The following AFAP1L2 variants were observed in gnomAD, a reference collection of about 807,000 sequenced individuals.
AFAP1L2 encodes the protein actin filament associated protein 1 like 2, also known as actin filament-associated protein 1-like 2.
A neutral mutation model predicts 99.3 loss-of-function variants in AFAP1L2; 46 were observed. The observed-to-expected ratio is 0.46, with a 90% CI of 0.37 to 0.59. AFAP1L2 has a LOEUF of 0.59. AFAP1L2 is among the 20% of genes least tolerant of loss of function. AFAP1L2 has a pLI of 0.00. For missense variants in AFAP1L2, 959 were observed against 1,034.9 expected (o/e 0.93, Z 1.01); for synonymous variants, 397 against 419.1 (o/e 0.95, Z 0.64).
intron 2 of AFAP1L2, among the ~76,000 whole-genome samples, 195 bp downstream of exon 2, chr10:114,340,408 C>T (rs922398013): frequency 5.3e-5 from 8 of 152,054 alleles, no homozygotes; most frequent in South Asian, 4.1e-4. Context: ...GCCATCAGCC[C>T]GCCAGGGAGA....
intron 1 of AFAP1L2, among the ~76,000 whole-genome samples, chr10:114,374,725 A>G (rs1457070941): frequency 1.3e-5 from 2 of 151,756 alleles, no homozygotes; most frequent in Non-Finnish European, 2.9e-5. Context: ...AGAGCTTCCA[A>G]CTAAGAGCTG....
At chr10:114,304,262 TC>T (rs1242294357) in intron 11 of AFAP1L2, among the ~76,000 whole-genome samples, 1 of 152,194 alleles carries the variant, frequency 6.6e-6, no homozygotes, top group East Asian at 1.9e-4. Context: ...TTATGTCACT[TC>T]TTATTTTTGT....
At chr10:114,297,907 T>G (rs1425709682) in intron 16 of AFAP1L2, among the ~76,000 whole-genome samples, 12 of 152,146 alleles carry the variant, frequency 7.9e-5, no homozygotes, top group Admixed American at 7.9e-4. Flanking sequence ...GCCTAGGGCC[T>G]GTATCCTAGA....
chr10:114,361,752 T>A (rs2052455930), intron 1 of AFAP1L2, among the ~76,000 whole-genome samples: 1 of 152,164 alleles, frequency 6.6e-6, no homozygotes, highest in African/African-American at 2.4e-5. Flanking sequence ...ATGGAGCACC[T>A]AACATGTGTT....
intron 16 of AFAP1L2, among the ~76,000 whole-genome samples, chr10:114,298,544 T>C (rs1305940099): frequency 2.6e-5 from 4 of 151,992 alleles, no homozygotes; most frequent in Non-Finnish European, 4.4e-5. Flanking sequence ...TTGGAAAGGT[T>C]CTAGAAGAGG....
chr10:114,307,815 G>C lies in AFAP1L2; in HGVS notation c.1062C>G (p.Leu354=), dbSNP rs747164722. ...STSLEPVERS[L]ETSSYLNVLV... ...AGCTACAATTCTTACTGGATGTCTC[G>C]AGGGACCTCTCCACAGGCTCCAGTG... The change falls in exon 10 of 19, where the codon CTC becomes CTG. Residue 354 remains leucine, a synonymous_variant. Coordinates refer to ENST00000304129, the MANE Select transcript of AFAP1L2 (RefSeq NM_001001936.3). 5.0e-6 allele frequency: 8 copies of C among 1,613,834 alleles called. No homozygotes were observed. The highest frequency in any genetic ancestry group is 2.2e-5 in the East Asian group (1 of 44,850).
In AFAP1L2 at chr10:114,327,568, G is replaced by A. The variant is rs181384707; in HGVS notation, c.315+4235C>T. ...GACCAGACCAGAGGTCCAGAGGGCC[G>A]CAAATCTTTTCAGGAAAGGGCCAAA... On this transcript the variant is annotated intron_variant, in intron 4 of 18. Transcript: ENST00000304129. 1.3e-4 allele frequency among the ~76,000 whole-genome samples: 20 copies of A among 152,208 alleles called. No homozygotes were observed. In the East Asian group the frequency reaches 2.1e-3, roughly 16 times the overall value.
chr10:114,332,908 C>T (rs1439807943), intron 3 of AFAP1L2, among the ~76,000 whole-genome samples: 2 of 152,228 alleles, frequency 1.3e-5, no homozygotes, highest in East Asian at 1.9e-4. Context: ...ACCGTGGGAT[C>T]AGCACCACAC....
chr10:114,324,725 CAGGCTGTG>C (rs1262969618), intron 4 of AFAP1L2, among the ~76,000 whole-genome samples: 2 of 152,198 alleles, frequency 1.3e-5, no homozygotes, highest in East Asian at 3.9e-4. Flanking sequence ...AAAGCACAGG[CAGGCTGTG>C]AGGTGGGGGA....
intron 7 of AFAP1L2, among the ~76,000 whole-genome samples, chr10:114,313,000 A>G (rs541862524): frequency 6.6e-6 from 1 of 152,206 alleles, no homozygotes; most frequent in African/African-American, 2.4e-5. Context: ...ACAGCGGTCC[A>G]GATCTGTTTC....
At chr10:114,404,331 G>T in intron 1 of AFAP1L2, 109 bp downstream of exon 1, 4 of 1,275,328 alleles carry the variant, frequency 3.1e-6, no homozygotes, top group East Asian at 2.5e-5. Context: ...GGTGGGGGCA[G>T]TGGGCTCTGC....
At chr10:114,341,753 T>G (rs2048862158) in intron 1 of AFAP1L2, among the ~76,000 whole-genome samples, 1 of 152,082 alleles carries the variant, frequency 6.6e-6, no homozygotes, top group African/African-American at 2.4e-5. Context: ...ACAGCACCCC[T>G]CTTTCCTTCT....
At chr10:114,340,983 G>A in intron 1 of AFAP1L2, 1 of 554,088 alleles carries the variant, frequency 1.8e-6, no homozygotes, top group African/African-American at 1.9e-5. Context: ...AGCCCTACCA[G>A]GTGCTGGAAG....
At chr10:114,394,628 G>C (rs2057497725) in intron 1 of AFAP1L2, among the ~76,000 whole-genome samples, 1 of 152,030 alleles carries the variant, frequency 6.6e-6, no homozygotes, top group Non-Finnish European at 1.5e-5. Flanking sequence ...GGGAAGAAGA[G>C]AGGGAGGGAG....
At chr10:114,351,455 G>A (rs28402106) in intron 1 of AFAP1L2, among the ~76,000 whole-genome samples, 1 of 152,108 alleles carries the variant, frequency 6.6e-6, no homozygotes, top group Non-Finnish European at 1.5e-5. Flanking sequence ...TAATGAGACA[G>A]CATTGGACAG....
intron 1 of AFAP1L2, among the ~76,000 whole-genome samples, chr10:114,342,900 C>T (rs1329078453): frequency 2.6e-5 from 4 of 152,242 alleles, no homozygotes; most frequent in African/African-American, 9.6e-5. Flanking sequence ...CTGCAAGCTC[C>T]AAGGACAGGC....
At chr10:114,357,181 G>T (rs1484897785) in intron 1 of AFAP1L2, among the ~76,000 whole-genome samples, 3 of 152,134 alleles carry the variant, frequency 2.0e-5, no homozygotes, top group Non-Finnish European at 4.4e-5. Flanking sequence ...GTTTGCATTT[G>T]GCTCTTTAAT....
chr10:114,334,286 G>C (rs1385081305), intron 2 of AFAP1L2, among the ~76,000 whole-genome samples: 1 of 152,288 alleles, frequency 6.6e-6, no homozygotes, highest in African/African-American at 2.4e-5. Flanking sequence ...ATCCCCCAAG[G>C]ACCCTTTCTT....
At chr10:114,313,058 T>G (rs2043506026) in intron 7 of AFAP1L2, among the ~76,000 whole-genome samples, 2 of 133,768 alleles carry the variant, frequency 1.5e-5, no homozygotes, top group African/African-American at 2.9e-5. Flanking sequence ...GCAGGTGGAG[T>G]GGGGTGGGGT....
Sources: allele counts gnomAD v4.1 joint callset (sites outside exome capture counted in the v4.1 genomes callset), GRCh38; gene constraint gnomAD v4.1.1; transcripts MANE v1.5; gene names NCBI Gene and HGNC (gene_info 2026-07-23, HGNC 2026-07-21).